Variants in PDK1 observed in about 807,000 individuals in gnomAD.
The protein encoded by PDK1 is pyruvate dehydrogenase kinase 1.
In PDK1, 39 loss-of-function variants were observed where a neutral mutation model predicts 54.2. The observed-to-expected ratio is 0.72, with a 90% confidence interval of 0.56 to 0.94. The LOEUF (loss-of-function observed/expected upper bound fraction) is 0.94. PDK1 is among the 40% of genes least tolerant of loss of function. The pLI is 0.00. For synonymous variants in PDK1, 221 were observed against 207.1 expected (o/e 1.07, Z -0.58); for missense variants, 552 against 566.0 (o/e 0.98, Z 0.25).
chr2:172,555,902 G>C (rs983325521), upstream of PDK1: 4 of 349,822 alleles, frequency 1.1e-5, no homozygotes, highest in East Asian at 4.4e-5. Flanking sequence ...CTCCTTCCTC[G>C]GGAGGCTGGG....
At chr2:172,626,363 C>G in the PDK1 span, among the ~76,000 whole-genome samples, 2 of 152,120 alleles carry the variant, frequency 1.3e-5, no homozygotes, top group Admixed American at 1.3e-4. Flanking sequence ...TTTCTGTTGA[C>G]ATACTGGTAT....
chr2:172,654,350 CA>C, the PDK1 span, among the ~76,000 whole-genome samples: 1 of 152,132 alleles, frequency 6.6e-6, no homozygotes, highest in East Asian at 1.9e-4. Context: ...TTCACAATAG[CA>C]AAGACTTGGA....
At chr2:172,581,383 G>A (rs113365643) in intron 8 of PDK1, among the ~76,000 whole-genome samples, 13 of 152,268 alleles carry the variant, frequency 8.5e-5, no homozygotes, top group Admixed American at 6.5e-4. Context: ...GAGCCACTGC[G>A]TCCAGCCTGC....
the PDK1 span, among the ~76,000 whole-genome samples, chr2:172,689,706 A>T: frequency 6.6e-6 from 1 of 152,046 alleles, no homozygotes; most frequent in Non-Finnish European, 1.5e-5. Context: ...CACATCTACA[A>T]CCCTCTGATC....
Position 172,592,938 on chromosome 2 carries a change from G to T in PDK1, c.1060G>T (p.Gly354Cys). 1 of 1,593,772 alleles carries T rather than the reference G, an allele frequency of 6.3e-7. No individual in the cohort carries two copies. The highest frequency in any genetic ancestry group is 8.6e-7 in the Non-Finnish European group (1 of 1,162,694). ...TTTTGTTTTTCTCATCAAACAGGCT[G>T]GTTTTGGTTATGGATTGCCCATATC... Reference protein sequence around the residue: ...VETSRAVPLAGFGYGLPISRL... With the variant: ...VETSRAVPLACFGYGLPISRL... The change falls in exon 10 of 11, where the codon GGT (glycine) becomes TGT (cysteine). Residue 354 changes from glycine (G) to cysteine (C), a missense_variant. By Grantham distance (159) the Gly-to-Cys change is radical (BLOSUM62 -3). Transcript: ENST00000282077.
the PDK1 span, among the ~76,000 whole-genome samples, chr2:172,618,627 C>T: frequency 9.2e-5 from 14 of 152,180 alleles, no homozygotes; most frequent in Admixed American, 5.9e-4. Context: ...ATTATGAAAT[C>T]GTCAAGCTAT....
chr2:172,583,892 A>G (rs949459529), intron 8 of PDK1, among the ~76,000 whole-genome samples: 11 of 152,154 alleles, frequency 7.2e-5, no homozygotes, highest in African/African-American at 2.4e-4. Flanking sequence ...TATGACAACT[A>G]TATTGTTATA....
rs528133565 is a variant in PDK1 at position 172,599,403 on chromosome 2, C to T, written c.*3434C>T. ...TCTGTGAATGACTAATCAGAGGAAG[C>T]CAAAAATCAGCCAACTAATTTCAGT... On this transcript the variant is annotated 3_prime_UTR_variant, in exon 11 of 11. Transcript: ENST00000282077. The T allele has an allele frequency of 2.0e-5, 3 of 152,152 alleles. No individual in the cohort carries two copies. The highest frequency in any genetic ancestry group is 2.0e-4 in the Admixed American group (3 of 15,276). The allele number at this position is 152,152 out of a possible 1,614,324, so 9.4% of individuals were successfully genotyped here. A position where few individuals can be genotyped will look rare whatever the true frequency, so the allele number is the denominator to read the frequency against.
At chr2:172,592,762 G>A (rs532194065) in intron 9 of PDK1, among the ~76,000 whole-genome samples, 173 bp from the exon 10 acceptor site, 1 of 152,292 alleles carries the variant, frequency 6.6e-6, no homozygotes, top group East Asian at 1.9e-4. Context: ...CAGTACTCAA[G>A]TAAACCTCAG....
chr2:172,572,819 T>C (rs1210638717), intron 8 of PDK1, among the ~76,000 whole-genome samples: 2 of 152,204 alleles, frequency 1.3e-5, no homozygotes, highest in African/African-American at 4.8e-5. Context: ...TATTTTCTGT[T>C]TGTGTATTTC....
the PDK1 span, among the ~76,000 whole-genome samples, chr2:172,687,579 C>T: frequency 6.6e-6 from 1 of 152,170 alleles, no homozygotes; most frequent in South Asian, 2.1e-4. Context: ...TCCCTACCCC[C>T]CAACTTCAGC....
the PDK1 span, among the ~76,000 whole-genome samples, chr2:172,714,680 G>C: frequency 6.6e-6 from 1 of 151,972 alleles, no homozygotes; most frequent in Non-Finnish European, 1.5e-5. Context: ...GATGAATGGA[G>C]CTTTTTTCCT....
At chr2:172,670,401 T>A in the PDK1 span, among the ~76,000 whole-genome samples, 119 of 152,360 alleles carry the variant, frequency 7.8e-4, no homozygotes, top group African/African-American at 2.7e-3. Flanking sequence ...ACTTGAACTT[T>A]CAGCTGAGTG....
the PDK1 span, among the ~76,000 whole-genome samples, chr2:172,700,216 T>C: frequency 6.6e-6 from 1 of 152,112 alleles, no homozygotes; most frequent in Non-Finnish European, 1.5e-5. Context: ...TTCCCCCCTT[T>C]CTATTCGACA....
intron 8 of PDK1, among the ~76,000 whole-genome samples, chr2:172,578,612 CT>C (rs945590266): frequency 1.3e-5 from 2 of 151,738 alleles, no homozygotes; most frequent in Non-Finnish European, 2.9e-5. Flanking sequence ...ATGGGCAATA[CT>C]TTTTTGTTTT....
In PDK1 at chr2:172,599,114, T is replaced by C. The variant is rs1336991761; in HGVS notation, c.*3145T>C. On this transcript the variant is annotated 3_prime_UTR_variant, in exon 11 of 11. Transcript: ENST00000282077. Reference sequence around the variant, plus strand: ...TCTGTTGTGTGCTTTTCAAACACTGTAAATAAATTTGAAATTTGAATAACT... The same window carrying C: ...TCTGTTGTGTGCTTTTCAAACACTGCAAATAAATTTGAAATTTGAATAACT... 2 of 149,074 alleles carry C rather than the reference T, an allele frequency of 1.3e-5. No individual in the cohort carries two copies. Among genetic ancestry groups the C allele is most frequent in the Non-Finnish European group, 3.0e-5 (2 of 67,564 alleles). The allele number at this position is 149,074 out of a possible 1,614,324, so 9.2% of individuals were successfully genotyped here.
the PDK1 span, among the ~76,000 whole-genome samples, chr2:172,653,865 A>C: frequency 6.6e-6 from 1 of 152,228 alleles, no homozygotes; most frequent in Non-Finnish European, 1.5e-5. Context: ...AAATTTTTAC[A>C]ATCTACCCAT....
rs901238997 is a variant in PDK1 at position 172,602,869 on chromosome 2, A to G, written c.*6900A>G. 6.6e-6 allele frequency: 1 copy of G among 152,188 alleles called. No individual in the cohort carries two copies. Among genetic ancestry groups the G allele is most frequent in the East Asian group, 1.9e-4 (1 of 5,192 alleles). The allele number at this position is 152,188 out of a possible 1,614,324, so 9.4% of individuals were successfully genotyped here. A position where few individuals can be genotyped will look rare whatever the true frequency, so the allele number is the denominator to read the frequency against. ...TCTCAGTGACCAACAAAAGCAACAA[A>G]TAGGAACAACCACCCATTAAGAACC... On this transcript the variant is annotated 3_prime_UTR_variant, in exon 11 of 11. Coordinates refer to ENST00000282077, the MANE Select transcript of PDK1 (RefSeq NM_002610.5).
At chr2:172,661,431 C>G in the PDK1 span, among the ~76,000 whole-genome samples, 19,643 of 152,076 alleles carry the variant, frequency 0.13, 2,188 homozygotes, top group East Asian at 0.53. Flanking sequence ...TGGTGCCCGT[C>G]TGGGGGAAAT....
Sources: allele counts gnomAD v4.1 joint callset (sites outside exome capture counted in the v4.1 genomes callset), GRCh38; gene constraint gnomAD v4.1.1; transcripts MANE v1.5; gene names NCBI Gene and HGNC (gene_info 2026-07-23, HGNC 2026-07-21).